CELF2: variants seen among roughly 807,000 people sequenced by gnomAD.
CELF2 encodes CUGBP Elav-like family member 2.
A neutral mutation model predicts 62.6 loss-of-function variants in CELF2; 8 were observed. The ratio of observed to expected loss-of-function variants is 0.13; its 90% confidence interval spans 0.07 to 0.23. The LOEUF (loss-of-function observed/expected upper bound fraction) is 0.23, where lower values mean the gene tolerates loss of function less well. CELF2 is among the 10% of genes least tolerant of loss of function. The pLI is 1.00. For missense variants in CELF2, 333 were observed against 671.0 expected, an observed-to-expected ratio of 0.50 and a Z score of 5.56; for synonymous variants, 258 against 250.0, an observed-to-expected ratio of 1.03 and a Z score of -0.30.
rs1039623410 is a variant in CELF2, at chr10:11,335,300, G to A, written c.*6247G>A. The A allele has an allele frequency of 3.3e-5, 5 of 152,306 alleles. No homozygotes were observed. Among genetic ancestry groups the A allele is most frequent in the Non-Finnish European group, 5.9e-5 (4 of 68,110 alleles). 9.4% of individuals were successfully genotyped at this position (152,306 alleles called of 1,614,324 possible). A position where few individuals can be genotyped will look rare whatever the true frequency, so the allele number is the denominator to read the frequency against. On this transcript the variant is annotated 3_prime_UTR_variant, in exon 13 of 13. Coordinates refer to ENST00000633077, the MANE Select transcript of CELF2 (RefSeq NM_001326342.2). The surrounding 1 kb of genome is among the most constrained non-coding windows in gnomAD (Gnocchi z 5.0). ...TAAAGTGCTCTTACAAGATTCCGTC[G>A]ATGTTTGCTCCCTCTGTCTTATCTC...
chr10:10,910,583 C>A (rs1038755354), intron 1 of CELF2, among the ~76,000 whole-genome samples: 1 of 151,300 alleles, frequency 6.6e-6, no homozygotes, highest in African/African-American at 2.4e-5. Context: ...GTCATCCCAG[C>A]TAGCTACCTG....
chr10:11,226,159 G>GA (rs1486121373), intron 3 of CELF2, among the ~76,000 whole-genome samples: 1 of 152,186 alleles, frequency 6.6e-6, no homozygotes, highest in Non-Finnish European at 1.5e-5. Context: ...TTGCCATGGG[G>GA]AGGCTCCATG....
chr10:10,662,854 A>G, the CELF2 span, among the ~76,000 whole-genome samples: 327 of 152,310 alleles, frequency 2.1e-3, 1 homozygote, highest in East Asian at 5.8e-4. Context: ...TGTCACTACA[A>G]CATCAAATGC....
Position 11,325,888 on chromosome 10 carries a change from C to T in CELF2, c.1347C>T (p.Asp449=). The change falls in exon 12 of 13, where the codon GAC becomes GAT. Residue 449 remains aspartate (D), a synonymous_variant. Coordinates refer to ENST00000633077, the MANE Select transcript of CELF2 (RefSeq NM_001326342.2). ...ACCACCTTCCACAGGAATTTGGAGA[C>T]CAGGACATTCTGCAGATGTTCATGC... ...FIYHLPQEFG[D]QDILQMFMPF... 6.2e-7 allele frequency: 1 copy of T among 1,614,088 alleles called. No individual in the cohort carries two copies. Among genetic ancestry groups the T allele is most frequent in the Non-Finnish European group, 8.5e-7 (1 of 1,179,990 alleles).
chr10:10,967,203 T>G (rs11256939), intron 2 of CELF2, among the ~76,000 whole-genome samples: 19,238 of 152,196 alleles, frequency 0.13, 1,291 homozygotes, highest in Middle Eastern at 0.24. Flanking sequence ...GGGTGACAGC[T>G]GGGCATTTGC....
chr10:11,239,215 T>G (rs984915359), intron 3 of CELF2, among the ~76,000 whole-genome samples: 5 of 152,216 alleles, frequency 3.3e-5, no homozygotes, highest in Non-Finnish European at 5.9e-5. Flanking sequence ...ACTAAATGGC[T>G]TTGTTGCTTG....
the CELF2 span, among the ~76,000 whole-genome samples, chr10:10,710,584 C>T: frequency 2.0e-3 from 298 of 152,204 alleles, 1 homozygote; most frequent in Non-Finnish European, 2.5e-3. Context: ...AAATCAATTG[C>T]CCTGGCTACC....
At chr10:11,132,910 G>T (rs531963917) in intron 1 of CELF2, among the ~76,000 whole-genome samples, 1 of 152,108 alleles carries the variant, frequency 6.6e-6, no homozygotes, top group African/African-American at 2.4e-5. Flanking sequence ...GATAAATAAC[G>T]ATTCAGGATA....
At chr10:10,728,916 C>G in the CELF2 span, among the ~76,000 whole-genome samples, 83 of 152,308 alleles carry the variant, frequency 5.4e-4, no homozygotes, top group African/African-American at 1.6e-3. Flanking sequence ...ATTGCCTTAA[C>G]AAGGTCTACT....
rs144704482 is a variant in CELF2 at position 11,280,765 on chromosome 10, C to T, written c.841+5645C>T. Among the ~76,000 whole-genome samples, 1 of 152,266 alleles carries T rather than the reference C, an allele frequency of 6.6e-6. No homozygotes were observed. Among genetic ancestry groups the T allele is most frequent in the Non-Finnish European group, 1.5e-5 (1 of 68,018 alleles). On this transcript the variant is annotated intron_variant, in intron 8 of 12. Coordinates refer to ENST00000633077, the MANE Select transcript of CELF2 (RefSeq NM_001326342.2). The surrounding 1 kb of genome is among the most constrained non-coding windows in gnomAD (Gnocchi z 7.6). ...CAGAGGCCGCTCTGGGTGGGGGAAA[C>T]GGTGCCCTCACTGCCCTCCAGCCTC...
chr10:11,218,049 AT>A (rs1194978727), intron 3 of CELF2, among the ~76,000 whole-genome samples: 2 of 152,090 alleles, frequency 1.3e-5, no homozygotes, highest in Admixed American at 6.6e-5. Flanking sequence ...AAAGCTTACA[AT>A]TTTTTTCTCC....
rs2062804904 is a variant in CELF2 at position 11,046,186 on chromosome 10, C to A, written c.74+28023C>A. On this transcript the variant is annotated intron_variant, in intron 1 of 12. Coordinates refer to ENST00000633077, the MANE Select transcript of CELF2 (RefSeq NM_001326342.2). This position sits in a 1 kb window ranked among gnomAD's most constrained non-coding sequence, Gnocchi z 4.6. ...ACGCCAGCGGTTCTCAAAATCACGG[C>A]ACCGCTTGTCTAACAACACCGAACG... Among the ~76,000 whole-genome samples, 1 of 152,210 alleles carries A rather than the reference C, an allele frequency of 6.6e-6. No individual in the cohort carries two copies. Among genetic ancestry groups the A allele is most frequent in the Admixed American group, 6.5e-5 (1 of 15,282 alleles).
chr10:10,495,141 C>T, the CELF2 span, among the ~76,000 whole-genome samples: 6 of 152,004 alleles, frequency 3.9e-5, no homozygotes, highest in African/African-American at 7.3e-5. Context: ...ATTAGCCAGG[C>T]ATGGTGGCGG....
rs1392990535 is a variant in CELF2, at chr10:11,335,833, C to A, written c.*6780C>A. 6.6e-6 allele frequency: 1 copy of A among 152,186 alleles called. No individual in the cohort carries two copies. The highest frequency in any genetic ancestry group is 1.5e-5 in the Non-Finnish European group (1 of 68,042). The allele number at this position is 152,186 out of a possible 1,614,324, so 9.4% of individuals were successfully genotyped here. On this transcript the variant is annotated 3_prime_UTR_variant, in exon 13 of 13. Coordinates refer to ENST00000633077, the MANE Select transcript of CELF2 (RefSeq NM_001326342.2). The surrounding 1 kb of genome is among the most constrained non-coding windows in gnomAD (Gnocchi z 5.0). ...CACCATTTTGGCACAAGACAAAATA[C>A]TCATGCTAAGCAAAGGAAGAGAAAG...
intron 1 of CELF2, among the ~76,000 whole-genome samples, chr10:10,817,111 C>T (rs1419095859): frequency 6.6e-6 from 1 of 152,128 alleles, no homozygotes; most frequent in East Asian, 1.9e-4. Flanking sequence ...TGATGTTTTA[C>T]ATGGAATCCA....
At chr10:10,923,740 TA>T (rs2065143649) in intron 2 of CELF2, 1 of 152,264 alleles carries the variant, frequency 6.6e-6, no homozygotes, top group Non-Finnish European at 1.5e-5. Flanking sequence ...TTGTTAGGAT[TA>T]AAACAAATAT....
the CELF2 span, among the ~76,000 whole-genome samples, chr10:10,547,683 G>GAC: frequency 7.4e-6 from 1 of 134,730 alleles, no homozygotes. Flanking sequence ...TAGAGAGAGA[G>GAC]AGAGAGAGAG....
At chr10:11,102,776 A>G (rs1055853334) in intron 1 of CELF2, among the ~76,000 whole-genome samples, 2 of 152,194 alleles carry the variant, frequency 1.3e-5, no homozygotes, top group African/African-American at 2.4e-5. Context: ...TGGAAGTCTT[A>G]TAAAACTCAA....
intron 9 of CELF2, among the ~76,000 whole-genome samples, chr10:11,301,505 C>G (rs1162894187): frequency 1.5e-5 from 1 of 64,672 alleles, no homozygotes; most frequent in Admixed American, 1.3e-4. Flanking sequence ...CCCCCCACCC[C>G]GCTCCCACAG....
Sources: allele counts gnomAD v4.1 joint callset (sites outside exome capture counted in the v4.1 genomes callset), GRCh38; gene constraint gnomAD v4.1.1; non-coding constraint Gnocchi (gnomAD v3.1); transcripts MANE v1.5; gene names NCBI Gene and HGNC (gene_info 2026-07-23, HGNC 2026-07-21).